The following NDST4 variants were observed in gnomAD, a reference collection of about 807,000 sequenced individuals.
The protein encoded by NDST4 is N-heparan sulfate sulfotransferase 4.
NDST4 carries 63 observed loss-of-function variants against 100.8 expected under a neutral mutation model. The ratio of observed to expected loss-of-function variants is 0.62; its 90% CI spans 0.51 to 0.77. The LOEUF (loss-of-function observed/expected upper bound fraction) is 0.77, where lower values mean the gene tolerates loss of function less well. Ranked by LOEUF, NDST4 falls within the 30% of genes least tolerant of loss-of-function variation. NDST4 has a pLI of 0.00. For missense variants in NDST4, 943 were observed against 1,018.4 expected, an observed-to-expected ratio of 0.93 and a Z score of 1.01; for synonymous variants, 377 against 361.8, an observed-to-expected ratio of 1.04 and a Z score of -0.48.
chr4:114,943,262 A>G (rs952916048), intron 4 of NDST4, among the ~76,000 whole-genome samples: 8 of 151,678 alleles, frequency 5.3e-5, no homozygotes, highest in Non-Finnish European at 1.2e-4. Flanking sequence ...ATTGACATAT[A>G]CAAATAATTT....
At chr4:114,837,359 G>A (rs932198682) in intron 11 of NDST4, among the ~76,000 whole-genome samples, 4 of 151,940 alleles carry the variant, frequency 2.6e-5, no homozygotes, top group Non-Finnish European at 4.4e-5. Context: ...AAAAGAGCCC[G>A]TATAGCCAAG....
At chr4:115,054,182 A>G (rs1235459345) in intron 2 of NDST4, among the ~76,000 whole-genome samples, 1 of 151,950 alleles carries the variant, frequency 6.6e-6, no homozygotes, top group Non-Finnish European at 1.5e-5. Flanking sequence ...ATAAGAAGAT[A>G]ATATATGGCA....
At chr4:114,968,580 T>C (rs1378217718) in intron 4 of NDST4, among the ~76,000 whole-genome samples, 2 of 152,168 alleles carry the variant, frequency 1.3e-5, no homozygotes, top group Non-Finnish European at 2.9e-5. Context: ...ACTCCGCCAT[T>C]GCAATGTGAA....
At chr4:114,978,766 A>C (rs1219044762) in intron 2 of NDST4, among the ~76,000 whole-genome samples, 1 of 151,888 alleles carries the variant, frequency 6.6e-6, no homozygotes, top group African/African-American at 2.4e-5. Context: ...TTTTAAAAAA[A>C]TTTCTCCCGT....
intron 2 of NDST4, among the ~76,000 whole-genome samples, chr4:115,018,465 A>T (rs1483052075): frequency 1.3e-5 from 2 of 151,976 alleles, no homozygotes; most frequent in Non-Finnish European, 2.9e-5. Context: ...CTTTGCAAAC[A>T]ATCTTACCTC....
At chr4:115,005,758 G>C (rs2126257905) in intron 2 of NDST4, among the ~76,000 whole-genome samples, 1 of 152,038 alleles carries the variant, frequency 6.6e-6, no homozygotes, top group African/African-American at 2.4e-5. Context: ...AAGATGGTGG[G>C]GGCAATCCAG....
intron 2 of NDST4, among the ~76,000 whole-genome samples, chr4:114,989,513 C>T (rs1410542153): frequency 6.6e-6 from 1 of 152,130 alleles, no homozygotes; most frequent in Non-Finnish European, 1.5e-5. Flanking sequence ...TTCAGTGACA[C>T]AAACAATAAA....
intron 6 of NDST4, among the ~76,000 whole-genome samples, chr4:114,929,614 A>G (rs947318048): frequency 1.9e-4 from 29 of 152,316 alleles, no homozygotes; most frequent in Middle Eastern, 3.4e-3. Context: ...TCACTATCCT[A>G]TTCTGCCTAA....
intron 12 of NDST4, among the ~76,000 whole-genome samples, chr4:114,831,446 T>C (rs1420088394): frequency 6.6e-6 from 1 of 152,208 alleles, no homozygotes; most frequent in Non-Finnish European, 1.5e-5. Flanking sequence ...CAGCATGCTG[T>C]ATAAAATGAG....
rs915097816 is a variant in NDST4 at position 115,106,650 on chromosome 4, A to G, written c.-247+6794T>C. Among the ~76,000 whole-genome samples, 6 of 152,180 alleles carry G rather than the reference A, an allele frequency of 3.9e-5. No homozygotes were observed. The East Asian group carries it at 1.2e-3, about 29-fold the overall frequency. On this transcript the variant is annotated intron_variant, in intron 1 of 13. Transcript: ENST00000264363. ...AAATGCCTGCACATGTTTAGTACAG[A>G]AACAATCATCTATGTTTTAAAATAC...
At chr4:115,046,099 T>C (rs1414504160) in intron 2 of NDST4, among the ~76,000 whole-genome samples, 1 of 152,256 alleles carries the variant, frequency 6.6e-6, no homozygotes, top group Middle Eastern at 3.4e-3. Context: ...TACACAGATA[T>C]ACCTGCGACT....
At chr4:115,033,129 G>GTATATATATA (rs1728149735) in intron 2 of NDST4, among the ~76,000 whole-genome samples, 12 of 55,890 alleles carry the variant, frequency 2.1e-4, no homozygotes, top group African/African-American at 8.6e-4. Context: ...ATATATATAT[G>GTATATATATA]TGTATATATA....
At chr4:114,956,393 G>A (rs1266548292) in intron 4 of NDST4, among the ~76,000 whole-genome samples, 1 of 152,166 alleles carries the variant, frequency 6.6e-6, no homozygotes, top group Non-Finnish European at 1.5e-5. Flanking sequence ...AAACAGTAGA[G>A]ATTTTAACAG....
intron 13 of NDST4, among the ~76,000 whole-genome samples, chr4:114,828,369 T>TAAA (rs1339843433): frequency 2.0e-5 from 3 of 152,176 alleles, no homozygotes; most frequent in Non-Finnish European, 4.4e-5. Flanking sequence ...TCATAAAAAC[T>TAAA]AAAATTCACT....
At chr4:114,877,416 G>A (rs781464331) in intron 6 of NDST4, among the ~76,000 whole-genome samples, 2 of 152,068 alleles carry the variant, frequency 1.3e-5, no homozygotes, top group Non-Finnish European at 2.9e-5. Flanking sequence ...ACTGACTCTA[G>A]ACACTTTAAG....
chr4:115,022,527 A>T, intron 2 of NDST4, among the ~76,000 whole-genome samples: 1 of 148,248 alleles, frequency 6.7e-6, no homozygotes, highest in African/African-American at 2.5e-5. Context: ...TATATATGTG[A>T]TGGAATACTT....
intron 6 of NDST4, among the ~76,000 whole-genome samples, chr4:114,895,580 C>T (rs1724696495): frequency 6.6e-6 from 1 of 152,042 alleles, no homozygotes; most frequent in Non-Finnish European, 1.5e-5. Context: ...GGTACCATTC[C>T]TTCTGAAACT....
chr4:114,902,348 C>T (rs944451562), intron 6 of NDST4, among the ~76,000 whole-genome samples: 1 of 151,982 alleles, frequency 6.6e-6, no homozygotes, highest in East Asian at 1.9e-4. Context: ...GGATATTTCT[C>T]ACAGTACAGA....
chr4:115,066,199 A>T (rs1342430617), intron 2 of NDST4, among the ~76,000 whole-genome samples: 1 of 152,174 alleles, frequency 6.6e-6, no homozygotes, highest in Non-Finnish European at 1.5e-5. Context: ...TATAATAAAG[A>T]CAGATTCACA....
Sources: allele counts gnomAD v4.1 joint callset (sites outside exome capture counted in the v4.1 genomes callset), GRCh38; gene constraint gnomAD v4.1.1; transcripts MANE v1.5; gene names NCBI Gene and HGNC (gene_info 2026-07-23, HGNC 2026-07-21).